Variants in CCZ1 observed in about 807,000 individuals in gnomAD.
CCZ1 encodes the protein CCZ1 vacuolar protein trafficking and biogenesis associated, also known as vacuolar fusion protein CCZ1 homolog.
In CCZ1, 19 loss-of-function variants were observed where a neutral mutation model predicts 57.8. The observed-to-expected ratio is 0.33, with a 90% confidence interval of 0.23 to 0.48. The LOEUF (loss-of-function observed/expected upper bound fraction) is 0.48. CCZ1 is among the 20% of genes least tolerant of loss of function. The pLI, the probability that CCZ1 is intolerant of heterozygous loss-of-function variation, is 0.99. For synonymous variants in CCZ1, 81 were observed against 167.0 expected (o/e 0.49, Z 3.97); for missense variants, 200 against 492.0 (o/e 0.41, Z 5.61).
chr7:5,909,267 G>A (rs1199252906), intron 7 of CCZ1, among the ~76,000 whole-genome samples: 5 of 149,778 alleles, frequency 3.3e-5, no homozygotes, highest in African/African-American at 9.9e-5. Context: ...ATGTTAAAGA[G>A]AAAAGCACCA....
At position 5,910,710 on chromosome 7, in the gene CCZ1, A is replaced by T. The variant is rs1367411254; in HGVS notation, c.780+594A>T. Among the ~76,000 whole-genome samples, 7 of 102,588 alleles carry T rather than the reference A, an allele frequency of 6.8e-5. 2 individuals carry two copies. The highest frequency in any genetic ancestry group is 3.3e-4 in the South Asian group (1 of 3,074). 67.3% of individuals were successfully genotyped at this position (102,588 alleles called of 152,430 possible). On this transcript the variant is annotated intron_variant, in intron 8 of 14. Transcript: ENST00000325974. The stretch of plus-strand genomic sequence containing the variant: ...ACTTTTAATTTATGTATTTTATTTT[A>T]TTTATTTATTTATTTATTTATTTAT...
In CCZ1 at chr7:5,911,504, A is replaced by G. The variant is rs577663347; in HGVS notation, c.781-357A>G. Among the ~76,000 whole-genome samples the G allele has an allele frequency of 3.4e-4, 50 of 148,952 alleles. 3 individuals carry two copies. The highest frequency in any genetic ancestry group is 8.9e-4 in the African/African-American group (36 of 40,326). On this transcript the variant is annotated intron_variant, in intron 8 of 14. Coordinates refer to ENST00000325974, the MANE Select transcript of CCZ1 (RefSeq NM_015622.6). Reference sequence around the variant, plus strand: ...GAGATGGGATCTCGTCATGTTGCCCAGGCTATTCTCAAACTCCTGGGCTCA... The same window carrying G: ...GAGATGGGATCTCGTCATGTTGCCCGGGCTATTCTCAAACTCCTGGGCTCA...
chr7:5,919,663 GC>G, intron 11 of CCZ1, 185 bp from the exon 12 acceptor site: 1 of 709,466 alleles, frequency 1.4e-6, no homozygotes, highest in South Asian at 1.8e-5. Flanking sequence ...ATAGGTCTTC[GC>G]CCTTTTTTCA....
intron 7 of CCZ1, 37 bp downstream of exon 7, chr7:5,905,306 A>C: frequency 8.2e-7 from 1 of 1,225,234 alleles, no homozygotes; most frequent in Middle Eastern, 2.3e-4. Context: ...AAAAGAAGAA[A>C]TTAAGATAAT....
At chr7:5,912,688 C>G (rs556947909) in intron 9 of CCZ1, among the ~76,000 whole-genome samples, 155 bp from the exon 10 acceptor site, 1 of 151,356 alleles carries the variant, frequency 6.6e-6, no homozygotes, top group South Asian at 2.1e-4. Flanking sequence ...GCATGAGCCA[C>G]CACGCCCAGC....
chr7:5,908,827 A>G (rs1781897016), intron 7 of CCZ1, among the ~76,000 whole-genome samples: 1 of 143,540 alleles, frequency 7.0e-6, no homozygotes, highest in African/African-American at 2.6e-5. Context: ...GCCTCATTTC[A>G]GATCAGGTGG....
At chr7:5,915,677 C>T (rs1234463325) in intron 10 of CCZ1, among the ~76,000 whole-genome samples, 1 of 146,098 alleles carries the variant, frequency 6.8e-6, no homozygotes, top group Non-Finnish European at 1.5e-5. Context: ...TTTGGGAGTC[C>T]CCGTGACCAC....
At chr7:5,924,446 C>T (rs1326932602) in intron 14 of CCZ1, among the ~76,000 whole-genome samples, 1 of 93,934 alleles carries the variant, frequency 1.1e-5, no homozygotes, top group East Asian at 2.2e-4. Context: ...TGCTCTGTCG[C>T]ACAGGCTGGG....
Position 5,903,762 on chromosome 7 carries a change from T to G in CCZ1, c.522+1018T>G, listed in dbSNP as rs151034297. Among the ~76,000 whole-genome samples the G allele has an allele frequency of 1.8e-3, 261 of 147,216 alleles. 22 individuals are homozygous for G. Among genetic ancestry groups the G allele is most frequent in the African/African-American group, 5.9e-3 (228 of 38,800 alleles). On this transcript the variant is annotated intron_variant, in intron 6 of 14. Transcript: ENST00000325974. ...TGATCCCACCACTTTGGGAGGCCGA[T>G]GCGGGCAGATCTTGAGGTCATGAGT... is the stretch of plus-strand genomic sequence containing the variant.
chr7:5,900,160 C>G, intron 1 of CCZ1, 124 bp from the exon 2 acceptor site: 5 of 1,303,496 alleles, frequency 3.8e-6, no homozygotes, highest in Non-Finnish European at 5.1e-6. Flanking sequence ...TTTCTAAAAC[C>G]GGTTTTTGTT....
chr7:5,910,200 G>A (rs944928159), intron 8 of CCZ1, 84 bp downstream of exon 8: 22 of 1,036,848 alleles, frequency 2.1e-5, no homozygotes, highest in African/African-American at 1.3e-4. Context: ...GCATGGGGGC[G>A]TTTCTGATCG....
chr7:5,920,522 T>G (rs1377978877), intron 12 of CCZ1, among the ~76,000 whole-genome samples: 1 of 105,294 alleles, frequency 9.5e-6, no homozygotes. Flanking sequence ...CAGGCTGGAG[T>G]GTGCAGTGGC....
chr7:5,907,930 A>C (rs1781872782), intron 7 of CCZ1, among the ~76,000 whole-genome samples: 1 of 43,586 alleles, frequency 2.3e-5, no homozygotes, highest in South Asian at 1.6e-3. Flanking sequence ...GACTGTATCT[A>C]CAAAAAATGG....
intron 5 of CCZ1, 191 bp from the exon 6 acceptor site, chr7:5,902,470 G>A: frequency 7.4e-6 from 8 of 1,075,220 alleles, no homozygotes; most frequent in Non-Finnish European, 9.8e-6. Flanking sequence ...AAATAAGACA[G>A]CATCACTTAA....
rs531060894 is a variant in CCZ1, at chr7:5,910,185, G to A, written c.780+69G>A. The A allele has an allele frequency of 2.1e-3, 2,766 of 1,322,080 alleles. 15 individuals are homozygous for A. The highest frequency in any genetic ancestry group is 2.7e-3 in the Non-Finnish European group (2,512 of 922,574). The allele number at this position is 1,322,080 out of a possible 1,614,324, so 81.9% of individuals were successfully genotyped here. On this transcript the variant is annotated intron_variant, in intron 8 of 14. Transcript: ENST00000325974. ...CAGAGAGGGCAGGTGGAGTGAGATG[G>A]TGGTGCATGGGGGCGTTTCTGATCG...
intron 7 of CCZ1, among the ~76,000 whole-genome samples, chr7:5,906,645 G>T (rs1475867724): frequency 6.7e-6 from 1 of 149,000 alleles, no homozygotes; most frequent in South Asian, 2.2e-4. Flanking sequence ...TTAATTAGGG[G>T]TGTGGCCATA....
intron 7 of CCZ1, among the ~76,000 whole-genome samples, chr7:5,909,120 T>TA (rs1234094922): frequency 6.7e-6 from 1 of 148,190 alleles, no homozygotes; most frequent in African/African-American, 2.5e-5. Flanking sequence ...TTTTTTTTTT[T>TA]TATCTCAAAT....
intron 10 of CCZ1, among the ~76,000 whole-genome samples, chr7:5,914,155 A>G (rs1779105745): frequency 6.8e-6 from 1 of 148,058 alleles, no homozygotes; most frequent in African/African-American, 2.5e-5. Flanking sequence ...CTATTAATAT[A>G]AAATTGAAAT....
chr7:5,920,754 G>T (rs1779224894), intron 12 of CCZ1, among the ~76,000 whole-genome samples: 1 of 124,932 alleles, frequency 8.0e-6, no homozygotes. Context: ...TTACAGGTGT[G>T]AGCTACCGCA....
Sources: allele counts gnomAD v4.1 joint callset (sites outside exome capture counted in the v4.1 genomes callset), GRCh38; gene constraint gnomAD v4.1.1; transcripts MANE v1.5; gene names NCBI Gene and HGNC (gene_info 2026-07-23, HGNC 2026-07-21).